XRCC4: variants seen among roughly 807,000 people sequenced by gnomAD.
XRCC4 encodes the protein X-ray repair cross complementing 4, also known as DNA repair protein XRCC4.
Under a neutral mutation model 39.1 loss-of-function variants are expected in XRCC4, and 28 were observed. The ratio of observed to expected loss-of-function variants is 0.72; its 90% CI spans 0.53 to 0.98. The LOEUF (loss-of-function observed/expected upper bound fraction) is 0.98, where lower values mean the gene tolerates loss of function less well. Ranked by LOEUF, XRCC4 falls within the 50% of genes least tolerant of loss-of-function variation. The pLI, the probability that XRCC4 is intolerant of heterozygous loss-of-function variation, is 0.00. For synonymous variants in XRCC4, 123 were observed against 126.4 expected, an observed-to-expected ratio of 0.97 and a Z score of 0.18; for missense variants, 350 against 376.4, an observed-to-expected ratio of 0.93 and a Z score of 0.58.
chr5:83,199,543 T>C (rs1751089681), intron 4 of XRCC4, among the ~76,000 whole-genome samples: 1 of 152,210 alleles, frequency 6.6e-6, no homozygotes, highest in African/African-American at 2.4e-5. Context: ...TACTGCACTG[T>C]GTCTAAATAC....
At chr5:83,233,278 A>G (rs1350515159) in intron 6 of XRCC4, among the ~76,000 whole-genome samples, 1 of 152,128 alleles carries the variant, frequency 6.6e-6, no homozygotes, top group Non-Finnish European at 1.5e-5. Flanking sequence ...TGACTTGGAT[A>G]ACCACATCTT....
At chr5:83,192,972 A>G (rs965665647) in intron 3 of XRCC4, among the ~76,000 whole-genome samples, 5 of 152,246 alleles carry the variant, frequency 3.3e-5, no homozygotes, top group African/African-American at 1.2e-4. Context: ...AAAAATTGAC[A>G]CAACAGTACG....
intron 6 of XRCC4, among the ~76,000 whole-genome samples, chr5:83,246,005 A>C (rs1480694260): frequency 6.6e-6 from 1 of 151,298 alleles, no homozygotes; most frequent in Non-Finnish European, 1.5e-5. Flanking sequence ...CAAATTATTT[A>C]TCGAAGTTTC....
intron 4 of XRCC4, among the ~76,000 whole-genome samples, chr5:83,200,062 G>A (rs1751118448): frequency 6.6e-6 from 1 of 152,036 alleles, no homozygotes. Context: ...AACAGTTCCT[G>A]TCCAATTTCT....
rs28383120 is a variant in XRCC4 at position 83,078,138 on chromosome 5, A to G, written c.-11+523A>G. Among the ~76,000 whole-genome samples the G allele has an allele frequency of 2.2e-4, 33 of 152,340 alleles. No individual in the cohort carries two copies. In the East Asian group the frequency reaches 5.6e-3, roughly 26 times the overall value. ...TGCGGACTGCAGCGATTGATTAGGT[A>G]CTTTAAAGAGATCAACTGGCAAGAC... On this transcript the variant is annotated intron_variant, in intron 1 of 7. Coordinates refer to ENST00000396027, the MANE Select transcript of XRCC4 (RefSeq NM_003401.5).
chr5:83,282,293 A>G (rs1246008248), intron 7 of XRCC4, among the ~76,000 whole-genome samples: 2 of 152,172 alleles, frequency 1.3e-5, no homozygotes, highest in African/African-American at 4.8e-5. Flanking sequence ...AATGTACGCA[A>G]ATAACTGAAT....
chr5:83,109,339 G>C (rs147893462), intron 2 of XRCC4, among the ~76,000 whole-genome samples: 134 of 151,928 alleles, frequency 8.8e-4, no homozygotes, highest in Non-Finnish European at 1.7e-3. Context: ...ATTAATCCCA[G>C]CTTCACTAGT....
Position 83,280,149 on chromosome 5 carries a change from A to T in XRCC4, c.893+21472A>T, listed in dbSNP as rs1346189886. On this transcript the variant is annotated intron_variant, in intron 7 of 7. Coordinates refer to ENST00000396027, the MANE Select transcript of XRCC4 (RefSeq NM_003401.5). ...GGGCTAAAACACCAGTCTCCAAATG[A>T]TCGAGAAGTTTCCCATCAATACAGG... 1.3e-5 allele frequency: 3 copies of T among 239,172 alleles called. No homozygotes were observed. In the East Asian group the frequency reaches 3.2e-4, roughly 26 times the overall value. The allele number at this position is 239,172 out of a possible 1,614,324, so 14.8% of individuals were successfully genotyped here.
chr5:83,228,303 C>A (rs774668672), intron 6 of XRCC4, among the ~76,000 whole-genome samples: 8 of 151,726 alleles, frequency 5.3e-5, no homozygotes, highest in Admixed American at 2.0e-4. Context: ...GATTTCAAAT[C>A]GAATTTTCAC....
chr5:83,125,466 T>G (rs1747212942), intron 3 of XRCC4, among the ~76,000 whole-genome samples: 1 of 152,238 alleles, frequency 6.6e-6, no homozygotes, highest in Non-Finnish European at 1.5e-5. Context: ...GTATAAAGTA[T>G]GAGGTTGAGG....
At chr5:83,341,686 A>G (rs1256295218) in intron 7 of XRCC4, among the ~76,000 whole-genome samples, 1 of 152,138 alleles carries the variant, frequency 6.6e-6, no homozygotes, top group Non-Finnish European at 1.5e-5. Context: ...GCCTAGTGTA[A>G]AGGGTATGGA....
chr5:83,339,470 G>A (rs1358068879), intron 7 of XRCC4, among the ~76,000 whole-genome samples: 1 of 151,710 alleles, frequency 6.6e-6, no homozygotes, highest in Non-Finnish European at 1.5e-5. Context: ...ACCAGGGCCT[G>A]TCAGGAGATG....
chr5:83,154,023 A>G (rs1748841156), intron 3 of XRCC4, among the ~76,000 whole-genome samples: 1 of 152,184 alleles, frequency 6.6e-6, no homozygotes, highest in Non-Finnish European at 1.5e-5. Flanking sequence ...AGCTAGTTGG[A>G]TTTTTGGAAG....
Position 83,226,582 on chromosome 5 carries a change from G to A in XRCC4, c.745+21661G>A, listed in dbSNP as rs375678356. On this transcript the variant is annotated intron_variant, in intron 6 of 7. Coordinates refer to ENST00000396027, the MANE Select transcript of XRCC4 (RefSeq NM_003401.5). ...CAAACTATGGGGAAATTTAGGATTA[G>A]GGCCCTCTATGTGGGATCCAGACCC... 7.2e-5 allele frequency among the ~76,000 whole-genome samples: 11 copies of A among 152,176 alleles called. No homozygotes were observed. The East Asian group carries it at 9.7e-4, about 13-fold the overall frequency.
chr5:83,184,455 T>A (rs6887843), intron 3 of XRCC4, among the ~76,000 whole-genome samples: 9,592 of 152,090 alleles, frequency 0.063, 1,014 homozygotes, highest in East Asian at 0.48. Context: ...TAGCTGACAT[T>A]TTTTAATGGG....
intron 6 of XRCC4, among the ~76,000 whole-genome samples, chr5:83,255,749 G>A (rs1011843525): frequency 2.6e-5 from 4 of 152,078 alleles, no homozygotes; most frequent in African/African-American, 4.8e-5. Context: ...GTCCTTTTAG[G>A]TGTCCCAGTC....
At chr5:83,147,299 A>G (rs1156427651) in intron 3 of XRCC4, among the ~76,000 whole-genome samples, 1 of 152,076 alleles carries the variant, frequency 6.6e-6, no homozygotes, top group Non-Finnish European at 1.5e-5. Context: ...GAAAGAATCA[A>G]CCCGGGTATC....
rs139685808 is a variant in XRCC4 at position 83,242,505 on chromosome 5, G to T, written c.746-16025G>T. ...TTGTTGCCCAGGCTGGAAAGTCGTG[G>T]TGTGATCATAGTTCACTGCAGCCTT... is the stretch of plus-strand genomic sequence containing the variant. On this transcript the variant is annotated intron_variant, in intron 6 of 7. Transcript: ENST00000396027. Among the ~76,000 whole-genome samples, 450 of 151,996 alleles carry T rather than the reference G, an allele frequency of 3.0e-3. 4 individuals carry two copies. The highest frequency in any genetic ancestry group is 0.01 in the African/African-American group (433 of 41,446).
At chr5:83,286,746 A>G (rs757177319) in intron 7 of XRCC4, among the ~76,000 whole-genome samples, 1 of 152,122 alleles carries the variant, frequency 6.6e-6, no homozygotes, top group Admixed American at 6.6e-5. Context: ...TAATCAGATG[A>G]CACATAAAAC....
Sources: gnomAD v4.1 joint callset for allele counts (sites outside exome capture counted in the v4.1 genomes callset) on GRCh38, gnomAD v4.1.1 for gene constraint, MANE v1.5 for transcripts, NCBI Gene and HGNC (gene_info 2026-07-23, HGNC 2026-07-21) for gene names.